The following TBCD variants were observed in gnomAD, a reference collection of about 807,000 sequenced individuals.
TBCD encodes the protein tubulin-specific chaperone D.
TBCD carries 105 observed loss-of-function variants against 169.3 expected under a neutral mutation model. That is an observed-to-expected ratio of 0.62 (90% confidence interval 0.53 to 0.73). The LOEUF is 0.73. Ranked by LOEUF, TBCD falls within the 30% of genes least tolerant of loss-of-function variation. The pLI is 0.00. For missense variants in TBCD, 1,444 were observed against 1,600.1 expected (o/e 0.90, Z 1.66); for synonymous variants, 700 against 643.9 (o/e 1.09, Z -1.32).
rs1305405159 is a variant in TBCD at position 82,782,934 on chromosome 17, G to GCCTCCTGTCCGCGGTGC, written c.771+1224_771+1240dup. On this transcript the variant is annotated intron_variant, in intron 7 of 38. Coordinates refer to ENST00000355528, the MANE Select transcript of TBCD (RefSeq NM_005993.5). The surrounding 1 kb of genome is among the most constrained non-coding windows in gnomAD (Gnocchi z 5.1). ...CGGTGTCGTCTTCCTGTCCATGGCG[G>GCCTCCTGTCCGCGGTGC]CCTCCTGTCCGCGGTGCCCTCCTGT... 1.3e-5 allele frequency among the ~76,000 whole-genome samples: 2 copies of GCCTCCTGTCCGCGGTGC among 148,446 alleles called. No homozygotes were observed. The highest frequency in any genetic ancestry group is 2.5e-5 in the African/African-American group (1 of 39,994).
chr17:82,912,187 C>T (rs1011000689), intron 23 of TBCD, among the ~76,000 whole-genome samples: 8 of 151,454 alleles, frequency 5.3e-5, no homozygotes, highest in Non-Finnish European at 8.8e-5. Context: ...GACTGAGCAG[C>T]GCAGGGACCA....
At chr17:82,885,185 G>A (rs1451254765) in intron 15 of TBCD, among the ~76,000 whole-genome samples, 1 of 152,082 alleles carries the variant, frequency 6.6e-6, no homozygotes, top group Non-Finnish European at 1.5e-5. Context: ...GCCCTGCAGT[G>A]TGTGGCCCCT....
intron 1 of TBCD, among the ~76,000 whole-genome samples, chr17:82,752,693 C>T (rs566884186): frequency 1.3e-5 from 2 of 152,256 alleles, no homozygotes; most frequent in African/African-American, 4.8e-5. Context: ...CGTCCCCCGT[C>T]TCCGTCACTG....
intron 9 of TBCD, among the ~76,000 whole-genome samples, chr17:82,802,827 CG>C (rs1256121492): frequency 6.6e-6 from 1 of 152,218 alleles, no homozygotes; most frequent in East Asian, 1.9e-4. Context: ...GATGAAATAG[CG>C]GGGCGCCCCA....
At chr17:82,876,621 C>T (rs1303997246) in intron 14 of TBCD, among the ~76,000 whole-genome samples, 1 of 152,182 alleles carries the variant, frequency 6.6e-6, no homozygotes, top group Non-Finnish European at 1.5e-5. Context: ...CAAATCAGGA[C>T]AGTGTTAAAT....
chr17:82,806,396 C>G lies in TBCD; in HGVS notation c.1087+385C>G, dbSNP rs1039229370. Among the ~76,000 whole-genome samples the G allele has an allele frequency of 1.3e-5, 2 of 152,148 alleles. No homozygotes were observed. The highest frequency in any genetic ancestry group is 6.5e-5 in the Admixed American group (1 of 15,284). ...CAGTTCCTTACCTCAGGAGCCATTT[C>G]AAACTCCCTTAAACCACATTACACC... On this transcript the variant is annotated intron_variant, in intron 10 of 38. Transcript: ENST00000355528. This position sits in a 1 kb window ranked among gnomAD's most constrained non-coding sequence, Gnocchi z 5.1.
intron 25 of TBCD, among the ~76,000 whole-genome samples, chr17:82,921,973 AT>A (rs1262390452): frequency 6.6e-6 from 1 of 152,204 alleles, no homozygotes; most frequent in African/African-American, 2.4e-5. Context: ...GCTCGCACAC[AT>A]TGACCTGGTC....
At chr17:82,911,431 T>A (rs1260205080) in intron 22 of TBCD, among the ~76,000 whole-genome samples, 1 of 151,884 alleles carries the variant, frequency 6.6e-6, no homozygotes, top group Non-Finnish European at 1.5e-5. Flanking sequence ...GATAGGGGGC[T>A]CTTTCTGGCA....
chr17:82,853,650 T>A (rs1414769487), intron 13 of TBCD, among the ~76,000 whole-genome samples: 1 of 151,958 alleles, frequency 6.6e-6, no homozygotes, highest in African/African-American at 2.4e-5. Context: ...AATGATCCTC[T>A]CATCTTGGCC....
At chr17:82,781,827 C>G in intron 7 of TBCD, 106 bp downstream of exon 7, 4 of 1,514,258 alleles carry the variant, frequency 2.6e-6, no homozygotes, top group Non-Finnish European at 3.6e-6. Context: ...AATTGGAACC[C>G]CGTGGGATTG....
intron 22 of TBCD, 83 bp downstream of exon 22, chr17:82,909,390 C>T (rs1387322629): frequency 2.6e-5 from 31 of 1,183,764 alleles, no homozygotes; most frequent in African/African-American, 4.6e-5. Flanking sequence ...CGGGTGTGTT[C>T]GCTTCCCTCT....
chr17:82,908,761 T>C (rs2060418903), intron 21 of TBCD, among the ~76,000 whole-genome samples: 1 of 152,202 alleles, frequency 6.6e-6, no homozygotes, highest in African/African-American at 2.4e-5. Flanking sequence ...GCTCCCTTTT[T>C]TCAGTAAAAT....
In TBCD at chr17:82,903,537, G is replaced by C; in HGVS notation, c.1804+59G>C. ...ATGCATGCACTGCAGAAAGGCCTGGGTTGCTGGTTTCAAAGGCTGGGGGCT... is the reference window on the plus strand; with the variant it reads ...ATGCATGCACTGCAGAAAGGCCTGGCTTGCTGGTTTCAAAGGCTGGGGGCT... On this transcript the variant is annotated intron_variant, in intron 19 of 38. Coordinates refer to ENST00000355528, the MANE Select transcript of TBCD (RefSeq NM_005993.5). This position sits in a 1 kb window ranked among gnomAD's most constrained non-coding sequence, Gnocchi z 4.8. 6.7e-7 allele frequency: 1 copy of C among 1,502,766 alleles called. No homozygotes were observed. Among genetic ancestry groups the C allele is most frequent in the Non-Finnish European group, 9.0e-7 (1 of 1,105,650 alleles). 93.1% of individuals were successfully genotyped at this position (1,502,766 alleles called of 1,614,324 possible).
Position 82,766,387 on chromosome 17 carries a change from C to A in TBCD, c.435+19C>A. The stretch of plus-strand genomic sequence containing the variant: ...CCATGAAGTGAGTGTCTCTGCCTCC[C>A]CCCTCGTCTCCAGCCCTCCGTGCCT... On this transcript the variant is annotated intron_variant, in intron 4 of 38. Coordinates refer to ENST00000355528, the MANE Select transcript of TBCD (RefSeq NM_005993.5). The A allele has an allele frequency of 1.3e-6, 2 of 1,584,642 alleles. No homozygotes were observed. Among genetic ancestry groups the A allele is most frequent in the South Asian group, 2.3e-5 (2 of 88,874 alleles).
Position 82,911,830 on chromosome 17 carries a change from C to A in TBCD, c.2038+41C>A, listed in dbSNP as rs12601746. ...TTTGCAGCCCTCTGCAGCCCTTTGC[C>A]GCAGCCATCGTTGAGGGAGGTGTGC... is the stretch of plus-strand genomic sequence containing the variant. On this transcript the variant is annotated intron_variant, in intron 23 of 38. Coordinates refer to ENST00000355528, the MANE Select transcript of TBCD (RefSeq NM_005993.5). 8 of 1,610,460 alleles carry A rather than the reference C, an allele frequency of 5.0e-6. No individual in the cohort carries two copies. The South Asian group carries it at 7.7e-5, about 16-fold the overall frequency.
At chr17:82,840,327 G>C (rs1055267953) in intron 13 of TBCD, 2 of 152,266 alleles carry the variant, frequency 1.3e-5, no homozygotes, top group Non-Finnish European at 2.9e-5. Context: ...AATCACACCC[G>C]ATGAATATTT....
intron 7 of TBCD, among the ~76,000 whole-genome samples, chr17:82,792,153 C>T (rs2049778242): frequency 6.6e-6 from 1 of 151,954 alleles, no homozygotes; most frequent in Admixed American, 6.6e-5. Context: ...ACTAAAAATA[C>T]AAAAATTAGC....
chr17:82,921,477 T>C, intron 24 of TBCD, 24 bp from the exon 25 acceptor site: 1 of 1,606,812 alleles, frequency 6.2e-7, no homozygotes, highest in Non-Finnish European at 8.5e-7. Context: ...ATTGCCTGGG[T>C]ACGCTAACTT....
chr17:82,872,182 G>A (rs1335483065), intron 14 of TBCD, among the ~76,000 whole-genome samples: 1 of 152,238 alleles, frequency 6.6e-6, no homozygotes, highest in African/African-American at 2.4e-5. Flanking sequence ...GGGAGACCGT[G>A]TGTTTCCCGA....
Sources: gnomAD v4.1 joint callset for allele counts (sites outside exome capture counted in the v4.1 genomes callset) on GRCh38, gnomAD v4.1.1 for gene constraint, Gnocchi (gnomAD v3.1) non-coding constraint, MANE v1.5 for transcripts, NCBI Gene and HGNC (gene_info 2026-07-23, HGNC 2026-07-21) for gene names.